The following SUV39H1 variants were observed in gnomAD, a reference collection of about 807,000 sequenced individuals.
SUV39H1 encodes histone-lysine N-methyltransferase SUV39H1.
For synonymous variants in SUV39H1, 141 were observed against 150.5 expected, an observed-to-expected ratio of 0.94 and a Z score of 0.46; for missense variants, 180 against 386.3, an observed-to-expected ratio of 0.47 and a Z score of 4.48.
intron 4 of SUV39H1, 34 bp downstream of exon 4, chrX:48,706,445 G>C (rs1557010147): frequency 1.7e-6 from 2 of 1,203,101 alleles, no homozygotes; most frequent in Admixed American, 4.4e-5. Context: ...AAGGGGTCGA[G>C]AGGGGCAGGC....
rs1052769833 is a variant in SUV39H1 at position 48,699,004 on chromosome X, A to G, written c.122A>G (p.Tyr41Cys). Residue 41 changes from tyrosine to cysteine, a missense_variant, in exon 2 of 6, where the codon TAT becomes TGT. Physicochemically the swap from Tyr to Cys is radical, Grantham distance 194. Transcript: ENST00000376687. ...PALGISKRNL[Y>C]DFEVEYLCDY... ...CTCGGTATCTCTAAGAGGAACCTCT[A>G]TGACTTTGAAGTCGAGTACCTGTGC... 2 of 1,210,704 alleles carry G rather than the reference A, an allele frequency of 1.7e-6. No individual in the cohort carries two copies. Among genetic ancestry groups the G allele is most frequent in the East Asian group, 3.0e-5 (1 of 33,816 alleles).
At position 48,707,994 on chromosome X, in the gene SUV39H1, G is replaced by C; in HGVS notation, c.*424G>C. Reference sequence around the variant, plus strand: ...CCAAAGGTATGGGGAAGCAACCCCAGAGCAGGCAGACATCAGAGGCCAGAG... The same window carrying C: ...CCAAAGGTATGGGGAAGCAACCCCACAGCAGGCAGACATCAGAGGCCAGAG... On this transcript the variant is annotated 3_prime_UTR_variant, in exon 6 of 6. Coordinates refer to ENST00000376687, the MANE Select transcript of SUV39H1 (RefSeq NM_003173.4). 4.1e-6 allele frequency: 1 copy of C among 244,829 alleles called. No homozygotes were observed. Among genetic ancestry groups the C allele is most frequent in the South Asian group, 4.1e-5 (1 of 24,394 alleles). 20.2% of individuals were successfully genotyped at this position (244,829 alleles called of 1,213,427 possible).
chrX:48,696,776 TG>T lies in SUV39H1; in HGVS notation c.-5del. On this transcript the variant is annotated 5_prime_UTR_variant, in exon 1 of 6. Coordinates refer to ENST00000376687, the MANE Select transcript of SUV39H1 (RefSeq NM_003173.4). ...GGCTAGGCCCGAATGTCGTTAGCCGTGGGGAAAGATGGCGGAAAATTTAAAA... is the reference window on the plus strand; with the variant it reads ...GGCTAGGCCCGAATGTCGTTAGCCGTGGGAAAGATGGCGGAAAATTTAAAA... The T allele has an allele frequency of 8.8e-7, 1 of 1,135,578 alleles. No individual in the cohort carries two copies. The highest frequency in any genetic ancestry group is 1.2e-6 in the Non-Finnish European group (1 of 859,084). The allele number at this position is 1,135,578 out of a possible 1,213,427, so 93.6% of individuals were successfully genotyped here.
intron 3 of SUV39H1, among the ~76,000 whole-genome samples, chrX:48,702,531 G>A (rs139468927): frequency 2.0e-3 from 217 of 110,957 alleles, no homozygotes; most frequent in Non-Finnish European, 3.6e-3. Flanking sequence ...TGGAGGAGAT[G>A]TCCAGACCCC....
intron 3 of SUV39H1, among the ~76,000 whole-genome samples, chrX:48,704,165 GC>G (rs1402808089): frequency 8.1e-5 from 9 of 111,113 alleles, no homozygotes; most frequent in Admixed American, 4.8e-4. Flanking sequence ...GCAGAGACAG[GC>G]CCATCTGTTC....
At chrX:48,696,832 C>A (rs367698217) in intron 1 of SUV39H1, 29 bp downstream of exon 1, 39 of 1,102,463 alleles carry the variant, frequency 3.5e-5, no homozygotes, top group African/African-American at 3.8e-5. Context: ...AGGCGCGGGC[C>A]CGCTGGCCGG....
In SUV39H1 at chrX:48,700,165, C is replaced by G. The variant is rs782346498; in HGVS notation, c.240C>G (p.Leu80=). 22 of 1,200,934 alleles carry G rather than the reference C, an allele frequency of 1.8e-5. No individual in the cohort carries two copies. The South Asian group carries it at 3.1e-4, about 17-fold the overall frequency. Residue 80 remains leucine, a synonymous_variant, in exon 3 of 6, where the codon CTC becomes CTG. Transcript: ENST00000376687. ...GCACCTGGGAGCCACGGCAGAATCT[C>G]AAGTGTGTGCGTATCCTCAAGCAGT... The part of the protein sequence containing the change: ...SESTWEPRQN[L]KCVRILKQFH...
upstream of SUV39H1, chrX:48,695,742 G>A: frequency 8.7e-7 from 1 of 1,150,756 alleles, no homozygotes; most frequent in East Asian, 3.3e-5. Context: ...TGTCTGACTC[G>A]ATGGCTGTAC....
chrX:48,706,257 T>C lies in SUV39H1; in HGVS notation c.829-8T>C. On this transcript the variant is annotated splice_region_variant and splice_polypyrimidine_tract_variant and intron_variant, in intron 3 of 5. Coordinates refer to ENST00000376687, the MANE Select transcript of SUV39H1 (RefSeq NM_003173.4). ...CCAATCTCCCCTTACCCATGGCCCT[T>C]TCCCTAGATCATTACCTCAGAGGAG... The C allele has an allele frequency of 8.3e-7, 1 of 1,207,758 alleles. No individual in the cohort carries two copies. The highest frequency in any genetic ancestry group is 1.8e-5 in the South Asian group (1 of 56,269).
At chrX:48,699,549 C>G (rs2062467430) in intron 2 of SUV39H1, among the ~76,000 whole-genome samples, 1 of 111,428 alleles carries the variant, frequency 9.0e-6, no homozygotes, top group Admixed American at 9.5e-5. Flanking sequence ...TTTTCCTTGT[C>G]GTAAAAGAGG....
rs73632391 is a variant in SUV39H1, at chrX:48,701,739, T to C, written c.828+986T>C. Among the ~76,000 whole-genome samples the C allele has an allele frequency of 7.9e-3, 875 of 111,438 alleles. 7 individuals carry two copies. Among genetic ancestry groups the C allele is most frequent in the African/African-American group, 0.027 (813 of 30,653 alleles). On this transcript the variant is annotated intron_variant, in intron 3 of 5. Coordinates refer to ENST00000376687, the MANE Select transcript of SUV39H1 (RefSeq NM_003173.4). Reference sequence around the variant, plus strand: ...GTCGCATTCTAAGATGGGATGCAGTTAGCATTTGGGATGAGATGATTTTTC... The same window carrying C: ...GTCGCATTCTAAGATGGGATGCAGTCAGCATTTGGGATGAGATGATTTTTC...
At chrX:48,704,645 G>T (rs782204449) in intron 3 of SUV39H1, among the ~76,000 whole-genome samples, 67 of 111,955 alleles carry the variant, frequency 6.0e-4, no homozygotes, top group African/African-American at 2.0e-3. Context: ...CCACCAGGTG[G>T]TAAAGCCCTT....
At chrX:48,703,459 G>A (rs977313875) in intron 3 of SUV39H1, among the ~76,000 whole-genome samples, 9 of 111,282 alleles carry the variant, frequency 8.1e-5, no homozygotes, top group African/African-American at 2.9e-4. Flanking sequence ...TCCCTCCACG[G>A]GAGCTGCCCT....
upstream of SUV39H1, chrX:48,696,446 A>G: frequency 4.5e-6 from 1 of 221,877 alleles, no homozygotes; most frequent in Non-Finnish European, 8.2e-6. Context: ...GGAGTATGAC[A>G]GGACTGAGGA....
At chrX:48,696,046 A>G (rs781970998), upstream of SUV39H1, among the ~76,000 whole-genome samples, 1 of 113,167 alleles carries the variant, frequency 8.8e-6, no homozygotes, top group East Asian at 2.8e-4. Context: ...GCTTGTCCCG[A>G]CCTAATCACA....
In SUV39H1 at chrX:48,707,948, G is replaced by T. The variant is rs782430231; in HGVS notation, c.*378G>T. Reference sequence around the variant, plus strand: ...CTGCCTGGAGATTGAGGGGTCTGCTGCAGGCCTCCTCCCTGCTGCCCCAAA... The same window carrying T: ...CTGCCTGGAGATTGAGGGGTCTGCTTCAGGCCTCCTCCCTGCTGCCCCAAA... On this transcript the variant is annotated 3_prime_UTR_variant, in exon 6 of 6. Coordinates refer to ENST00000376687, the MANE Select transcript of SUV39H1 (RefSeq NM_003173.4). 3.1e-4 allele frequency: 83 copies of T among 268,386 alleles called. No homozygotes were observed. Among genetic ancestry groups the T allele is most frequent in the Admixed American group, 4.3e-4 (10 of 23,212 alleles). The allele number at this position is 268,386 out of a possible 1,213,427, so 22.1% of individuals were successfully genotyped here. A position where few individuals can be genotyped will look rare whatever the true frequency, so the allele number is the denominator to read the frequency against.
In SUV39H1 at chrX:48,698,963, G is replaced by A. The variant is rs782618246; in HGVS notation, c.81G>A (p.Lys27=). 5.0e-6 allele frequency: 6 copies of A among 1,208,663 alleles called. No homozygotes were observed. Among genetic ancestry groups the A allele is most frequent in the Admixed American group, 4.4e-5 (2 of 45,651 alleles). The change falls in exon 2 of 6, where the codon AAG becomes AAA. Residue 27 remains lysine (K), a synonymous_variant. Coordinates refer to ENST00000376687, the MANE Select transcript of SUV39H1 (RefSeq NM_003173.4). ...NQLQDLCRLA[K]LSCPALGISK... ...TGCAGGACCTGTGCCGCCTGGCCAA[G>A]CTCTCCTGCCCTGCCCTCGGTATCT...
intron 1 of SUV39H1, 57 bp downstream of exon 1, chrX:48,696,860 G>A (rs2062457626): frequency 4.1e-6 from 4 of 982,399 alleles, no homozygotes; most frequent in Admixed American, 5.0e-5. Flanking sequence ...GGGCTGGAGG[G>A]GTGGCGTTGC....
At chrX:48,699,262 C>A in intron 2 of SUV39H1, 1 of 368,360 alleles carries the variant, frequency 2.7e-6, no homozygotes, top group Non-Finnish European at 4.6e-6. Context: ...CCAAATAAAT[C>A]TCTTCCCATC....
Sources: allele counts gnomAD v4.1 joint callset (sites outside exome capture counted in the v4.1 genomes callset), GRCh38; gene constraint gnomAD v4.1.1; transcripts MANE v1.5; gene names NCBI Gene and HGNC (gene_info 2026-07-23, HGNC 2026-07-21).